The following OPA3 variants were observed in gnomAD, a reference collection of about 807,000 sequenced individuals.
OPA3 encodes outer mitochondrial membrane lipid metabolism regulator OPA3, also known as optic atrophy 3 protein.
OPA3 carries 6 observed loss-of-function variants against 4.0 expected under a neutral mutation model. The ratio of observed to expected loss-of-function variants is 1.51; its 90% confidence interval spans 0.83 to 2.99. The LOEUF (loss-of-function observed/expected upper bound fraction) is 2.99. OPA3 is among the 30% of genes most tolerant of loss of function. OPA3 has a pLI of 0.00. For missense variants in OPA3, 235 were observed against 256.2 expected, an observed-to-expected ratio of 0.92 and a Z score of 0.56; for synonymous variants, 105 against 117.1, an observed-to-expected ratio of 0.90 and a Z score of 0.67.
chr19:45,541,536 T>G (rs1969185337), downstream of OPA3, among the ~76,000 whole-genome samples: 1 of 152,086 alleles, frequency 6.6e-6, no homozygotes, highest in South Asian at 2.1e-4. Flanking sequence ...GGAGACCTGG[T>G]CTCTACTAAA....
downstream of OPA3, among the ~76,000 whole-genome samples, chr19:45,543,154 A>T (rs1292156736): frequency 6.7e-6 from 1 of 149,300 alleles, no homozygotes; most frequent in Non-Finnish European, 1.5e-5. Flanking sequence ...GGACTACAGG[A>T]GCATGACACC....
chr19:45,581,287 T>A (rs571709694), intron 1 of OPA3, among the ~76,000 whole-genome samples: 3 of 152,114 alleles, frequency 2.0e-5, no homozygotes, highest in African/African-American at 7.2e-5. Context: ...AAGCAAACTT[T>A]AAGCATCCAA....
chr19:45,539,470 C>A (rs10417231), intron 1 of OPA3, among the ~76,000 whole-genome samples: 1,570 of 152,178 alleles, frequency 0.01, 21 homozygotes, highest in African/African-American at 0.036. Context: ...ATTTTTTCTG[C>A]CACGCTCGGC....
chr19:45,575,529 G>C (rs1373650434), intron 1 of OPA3, among the ~76,000 whole-genome samples: 2 of 152,162 alleles, frequency 1.3e-5, no homozygotes, highest in Non-Finnish European at 2.9e-5. Flanking sequence ...TCAGCAACCT[G>C]AATGAATGAT....
intron 1 of OPA3, among the ~76,000 whole-genome samples, chr19:45,564,567 C>G (rs1969554769): frequency 6.6e-6 from 1 of 152,156 alleles, no homozygotes; most frequent in Non-Finnish European, 1.5e-5. Context: ...TCCAGTAACC[C>G]TGCCTGGTGT....
chr19:45,544,233 G>A (rs900155352), downstream of OPA3, among the ~76,000 whole-genome samples: 2 of 152,152 alleles, frequency 1.3e-5, no homozygotes, highest in African/African-American at 4.8e-5. Context: ...TAAAAAGACT[G>A]CAAGCTACAT....
chr19:45,542,664 T>G (rs1236725257), downstream of OPA3, among the ~76,000 whole-genome samples: 1 of 126,338 alleles, frequency 7.9e-6, no homozygotes, highest in African/African-American at 2.8e-5. Flanking sequence ...ACTGTTTTTT[T>G]GTTTTTTTTT....
At chr19:45,573,615 A>T (rs1969721069) in intron 1 of OPA3, among the ~76,000 whole-genome samples, 1 of 152,174 alleles carries the variant, frequency 6.6e-6, no homozygotes, top group Admixed American at 6.6e-5. Flanking sequence ...CCCTGGGGTC[A>T]CACAGAAAGT....
downstream of OPA3, among the ~76,000 whole-genome samples, chr19:45,543,343 CAG>C (rs1235294370): frequency 1.3e-5 from 2 of 148,892 alleles, no homozygotes; most frequent in African/African-American, 2.5e-5. Context: ...TTTTTTGAGA[CAG>C]AGTCTCGCTC....
chr19:45,530,927 CTTTTTTTTTTT>C lies in OPA3; in HGVS notation c.143-1482_143-1472del, dbSNP rs71173176. The stretch of plus-strand genomic sequence containing the variant: ...ATGGCGTGTGCCACCATGTCACCTA[CTTTTTTTTTTT>C]TTTTTTTTTTTTTTTTTTTTTTTTG... On this transcript the variant is annotated intron_variant, in intron 1 of 1. Transcript: ENST00000323060. Among the ~76,000 whole-genome samples the C allele has an allele frequency of 6.5e-4, 23 of 35,442 alleles. 1 individual carries two copies. Among genetic ancestry groups the C allele is most frequent in the East Asian group, 3.4e-3 (4 of 1,160 alleles). 23.3% of individuals were successfully genotyped at this position (35,442 alleles called of 152,430 possible).
chr19:45,548,594 C>T lies in OPA3; in HGVS notation c.*4920G>A, dbSNP rs1237748730. On this transcript the variant is annotated 3_prime_UTR_variant, in exon 2 of 2. Transcript: ENST00000263275. ...AGGGCTGGGGCTGTCTCTGTCACCA[C>T]TGTGACCCCAGCATAGGGTGGGGCA... 2.0e-6 allele frequency: 2 copies of T among 985,018 alleles called. No homozygotes were observed. The highest frequency in any genetic ancestry group is 1.7e-5 in the African/African-American group (1 of 57,186). 61.0% of individuals were successfully genotyped at this position (985,018 alleles called of 1,614,324 possible).
rs79317386 is a variant in OPA3, at chr19:45,550,302, C to T, written c.*3212G>A. ...GTGAGGATGGAAGTCGGGGAAAGCC[C>T]GGCCCTCCCACTTTCACCTGCAGCT... On this transcript the variant is annotated 3_prime_UTR_variant, in exon 2 of 2. Coordinates refer to ENST00000263275, the MANE Select transcript of OPA3 (RefSeq NM_025136.4). 134,807 of 985,416 alleles carry T rather than the reference C, an allele frequency of 0.14. 9,416 individuals are homozygous for T. The highest frequency in any genetic ancestry group is 0.16 in the Middle Eastern group (306 of 1,918). 61.0% of individuals were successfully genotyped at this position (985,416 alleles called of 1,614,324 possible).
At chr19:45,579,980 ATT>A (rs1324784765) in intron 1 of OPA3, among the ~76,000 whole-genome samples, 1 of 143,428 alleles carries the variant, frequency 7.0e-6, no homozygotes, top group Non-Finnish European at 1.5e-5. Flanking sequence ...TCCAGAAGCC[ATT>A]TTCTTTCTTT....
At chr19:45,567,421 C>T (rs899293420) in intron 1 of OPA3, among the ~76,000 whole-genome samples, 1 of 149,408 alleles carries the variant, frequency 6.7e-6, no homozygotes, top group Admixed American at 6.7e-5. Context: ...ATCAAATGAA[C>T]AAAAGCTAAA....
At chr19:45,569,424 A>C (rs1017598524) in intron 1 of OPA3, among the ~76,000 whole-genome samples, 14 of 152,104 alleles carry the variant, frequency 9.2e-5, no homozygotes, top group Admixed American at 7.9e-4. Flanking sequence ...GCGCCACTGC[A>C]CTCCAGCCTG....
chr19:45,568,536 A>C (rs1969615820), intron 1 of OPA3, among the ~76,000 whole-genome samples: 1 of 152,080 alleles, frequency 6.6e-6, no homozygotes. Flanking sequence ...TCCAAGTATT[A>C]ACAGAATTGT....
chr19:45,552,159 G>C lies in OPA3; in HGVS notation c.*1355C>G. 1.0e-6 allele frequency: 1 copy of C among 985,394 alleles called. No individual in the cohort carries two copies. Among genetic ancestry groups the C allele is most frequent in the Non-Finnish European group, 1.2e-6 (1 of 829,970 alleles). 61.0% of individuals were successfully genotyped at this position (985,394 alleles called of 1,614,324 possible). The stretch of plus-strand genomic sequence containing the variant: ...GGGTTCTGTTGGAATAGTCCACTTC[G>C]GGTCTCAAGGGAAGGTACAATGATT... On this transcript the variant is annotated 3_prime_UTR_variant, in exon 2 of 2. Coordinates refer to ENST00000263275, the MANE Select transcript of OPA3 (RefSeq NM_025136.4).
intron 1 of OPA3, among the ~76,000 whole-genome samples, chr19:45,539,067 T>G (rs1265648178): frequency 6.6e-6 from 1 of 152,122 alleles, no homozygotes; most frequent in Non-Finnish European, 1.5e-5. Context: ...ACTGCCATTT[T>G]AAAATTCATT....
At chr19:45,542,149 C>T (rs926091157), downstream of OPA3, among the ~76,000 whole-genome samples, 4 of 152,174 alleles carry the variant, frequency 2.6e-5, no homozygotes, top group Non-Finnish European at 5.9e-5. Flanking sequence ...CGGCTACTTC[C>T]AGCCCTGGTC....
Sources: gnomAD v4.1 joint callset for allele counts (sites outside exome capture counted in the v4.1 genomes callset) on GRCh38, gnomAD v4.1.1 for gene constraint, MANE v1.5 for transcripts, NCBI Gene and HGNC (gene_info 2026-07-23, HGNC 2026-07-21) for gene names.